The following NOX1 variants were observed in gnomAD, a reference collection of about 807,000 sequenced individuals.
The protein encoded by NOX1 is NADH/NADPH mitogenic oxidase subunit P65-MOX.
Under a neutral mutation model 42.5 loss-of-function variants are expected in NOX1, and 34 were observed. That is an observed-to-expected ratio of 0.80 (90% CI 0.61 to 1.07). The LOEUF is 1.07. Ranked by LOEUF, NOX1 falls within the 50% of genes least tolerant of loss-of-function variation. The probability of loss-of-function intolerance (pLI) is 0.00; values close to 1 mark genes in which losing one functional copy is unlikely to be tolerated. For synonymous variants in NOX1, 143 were observed against 152.5 expected, an observed-to-expected ratio of 0.94 and a Z score of 0.46; for missense variants, 408 against 427.0, an observed-to-expected ratio of 0.96 and a Z score of 0.39.
At chrX:100,856,594 A>T (rs2085169023) in intron 7 of NOX1, among the ~76,000 whole-genome samples, 1 of 107,145 alleles carries the variant, frequency 9.3e-6, no homozygotes, top group African/African-American at 3.4e-5. Context: ...TTTTTTTGAG[A>T]TGGGGTCTTT....
intron 2 of NOX1, among the ~76,000 whole-genome samples, chrX:100,864,945 T>G (rs906903566): frequency 3.6e-5 from 4 of 112,332 alleles, no homozygotes; most frequent in Admixed American, 1.9e-4. Flanking sequence ...GGTTAACAAT[T>G]TCTTGGCCTT....
chrX:100,865,023 T>C (rs773517063), intron 2 of NOX1, among the ~76,000 whole-genome samples: 2 of 112,681 alleles, frequency 1.8e-5, no homozygotes, highest in East Asian at 5.6e-4. Flanking sequence ...CATGTGATGT[T>C]AGTTTAATAA....
At chrX:100,849,543 G>A in intron 10 of NOX1, 117 bp from the exon 11 acceptor site, 3 of 811,851 alleles carry the variant, frequency 3.7e-6, no homozygotes, top group Non-Finnish European at 3.4e-6. Flanking sequence ...CCTTAGGAAC[G>A]AGCCTTCCAA....
chrX:100,870,441 G>T (rs1485836885), intron 2 of NOX1, among the ~76,000 whole-genome samples: 1 of 111,216 alleles, frequency 9.0e-6, no homozygotes, highest in African/African-American at 3.3e-5. Flanking sequence ...GGGGTTATCA[G>T]ATTTATTTAA....
At chrX:100,871,233 T>C (rs1280487015) in intron 1 of NOX1, among the ~76,000 whole-genome samples, 8 of 112,649 alleles carry the variant, frequency 7.1e-5, no homozygotes, top group Non-Finnish European at 1.1e-4. Context: ...CATTTTTGTA[T>C]TGTTTATGGC....
At chrX:100,846,671 T>C (rs1015993062) in intron 12 of NOX1, among the ~76,000 whole-genome samples, 4 of 111,899 alleles carry the variant, frequency 3.6e-5, no homozygotes, top group African/African-American at 1.3e-4. Flanking sequence ...CCTCATACTC[T>C]CTCAAAACTT....
rs1332838653 is a variant in NOX1 at position 100,849,849 on chromosome X, C to G, written c.1219G>C (p.Val407Leu). The G allele has an allele frequency of 8.3e-7, 1 of 1,210,904 alleles. No individual in the cohort carries two copies. Among genetic ancestry groups the G allele is most frequent in the Non-Finnish European group, 1.1e-6 (1 of 894,813 alleles). Residue 407 changes from valine to leucine, a missense_variant, in exon 10 of 13, where the codon GTC becomes CTC. Val to Leu is a conservative substitution (Grantham distance 32). Transcript: ENST00000372966. ...TTCAAGATAGAAGCAAAGGGGGTGA[C>G]CCCAATTCCTGCTCCAACCAGCACA... Reference protein sequence around the residue: ...VAVLVGAGIGVTPFASILKSI... With the variant: ...VAVLVGAGIGLTPFASILKSI...
intron 8 of NOX1, 74 bp from the exon 9 acceptor site, chrX:100,850,460 T>C: frequency 1.5e-6 from 1 of 672,829 alleles, no homozygotes; most frequent in Non-Finnish European, 2.2e-6. Context: ...AGCAAATGAG[T>C]GAAGCTGGAG....
At chrX:100,853,254 C>CT (rs1569445430) in intron 7 of NOX1, among the ~76,000 whole-genome samples, 17 of 38,088 alleles carry the variant, frequency 4.5e-4, no homozygotes, top group South Asian at 1.2e-3. Flanking sequence ...TCCTTCCTTC[C>CT]TTCCTTCCTT....
chrX:100,848,009 C>A (rs1225239814), intron 12 of NOX1, among the ~76,000 whole-genome samples: 3 of 110,811 alleles, frequency 2.7e-5, no homozygotes, highest in African/African-American at 9.9e-5. Context: ...CCCCTCCCCG[C>A]AAAAATGCAT....
At position 100,864,908 on chromosome X, in the gene NOX1, C is replaced by CAGAA. The variant is rs748391328; in HGVS notation, c.142-1314_142-1313insTTCT. Among the ~76,000 whole-genome samples, 6 of 112,222 alleles carry CAGAA rather than the reference C, an allele frequency of 5.3e-5. No individual in the cohort carries two copies. In the South Asian group the frequency reaches 2.2e-3, roughly 42 times the overall value. ...CCTTACATTGTGTGCCTGTCAAAGA[C>CAGAA]TTTCTAAAAGGAGGGGTATGGGTTA... On this transcript the variant is annotated intron_variant, in intron 2 of 12. Transcript: ENST00000372966.
intron 7 of NOX1, among the ~76,000 whole-genome samples, chrX:100,858,990 A>C (rs1253801766): frequency 9.0e-6 from 1 of 111,639 alleles, no homozygotes; most frequent in African/African-American, 3.3e-5. Context: ...TGGTAAGAGA[A>C]TGCATCCTTG....
intron 2 of NOX1, among the ~76,000 whole-genome samples, chrX:100,867,938 C>T (rs961828624): frequency 5.4e-5 from 6 of 110,731 alleles, no homozygotes; most frequent in African/African-American, 2.0e-4. Context: ...TGCACTTATA[C>T]CCCCTACATA....
At position 100,865,942 on chromosome X, in the gene NOX1, T is replaced by C. The variant is rs1215545779; in HGVS notation, c.142-2347A>G. On this transcript the variant is annotated intron_variant, in intron 2 of 12. Transcript: ENST00000372966. ...ACTCACATGGAAAGATATCTGAGGC[T>C]GGGAGCAGTGGCTTACGCCTGTAAT... Among the ~76,000 whole-genome samples, 9 of 112,344 alleles carry C rather than the reference T, an allele frequency of 8.0e-5. No homozygotes were observed. The East Asian group carries it at 2.5e-3, about 31-fold the overall frequency.
chrX:100,862,373 G>C lies in NOX1; in HGVS notation c.671+19C>G. The C allele has an allele frequency of 8.3e-7, 1 of 1,208,698 alleles. No individual in the cohort carries two copies. The highest frequency in any genetic ancestry group is 1.1e-6 in the Non-Finnish European group (1 of 892,798). On this transcript the variant is annotated intron_variant, in intron 6 of 12. Coordinates refer to ENST00000372966, the MANE Select transcript of NOX1 (RefSeq NM_007052.5). The stretch of plus-strand genomic sequence containing the variant: ...AGGTCAGGGGCTGGGGCATGAGAAT[G>C]AGGGTTCGAGGATCTTACCCAATGC...
chrX:100,862,448 C>A lies in NOX1; in HGVS notation c.615G>T (p.Trp205Cys). The change falls in exon 6 of 13, where the codon TGG becomes TGT. Residue 205 changes from tryptophan to cysteine, a missense_variant. Trp to Cys is a radical substitution (Grantham distance 215). Coordinates refer to ENST00000372966, the MANE Select transcript of NOX1 (RefSeq NM_007052.5). Reference sequence around the variant, plus strand: ...AGAAGATAAAAAGGTGGTGAGTATACCAGAAGACTTCAAAATAACTCCTCC... The same window carrying A: ...AGAAGATAAAAAGGTGGTGAGTATAACAGAAGACTTCAAAATAACTCCTCC... ...FIRRSYFEVF[W>C]YTHHLFIFYI... The A allele has an allele frequency of 2.5e-6, 3 of 1,210,522 alleles. No individual in the cohort carries two copies. Among genetic ancestry groups the A allele is most frequent in the Non-Finnish European group, 3.4e-6 (3 of 894,471 alleles).
In NOX1 at chrX:100,849,763, G is replaced by C; in HGVS notation, c.1296+9C>G. On this transcript the variant is annotated intron_variant, in intron 10 of 12. Coordinates refer to ENST00000372966, the MANE Select transcript of NOX1 (RefSeq NM_007052.5). ...CAGGCCAGAAGAAAAGTGATATACG[G>C]GATTATACCTTTTTTGTTTTGAGGT... 2.5e-6 allele frequency: 3 copies of C among 1,197,672 alleles called. No individual in the cohort carries two copies. Among genetic ancestry groups the C allele is most frequent in the Non-Finnish European group, 3.4e-6 (3 of 888,099 alleles).
chrX:100,866,029 T>C lies in NOX1; in HGVS notation c.142-2434A>G, dbSNP rs1434363413. Among the ~76,000 whole-genome samples the C allele has an allele frequency of 3.6e-5, 4 of 111,380 alleles. No homozygotes were observed. In the East Asian group the frequency reaches 1.1e-3, roughly 31 times the overall value. On this transcript the variant is annotated intron_variant, in intron 2 of 12. Coordinates refer to ENST00000372966, the MANE Select transcript of NOX1 (RefSeq NM_007052.5). Reference sequence around the variant, plus strand: ...TGAGGTCAGGAGTTTGAGATCAGCCTGGCCAACATGGTGAAACCCCGTCTC... The same window carrying C: ...TGAGGTCAGGAGTTTGAGATCAGCCCGGCCAACATGGTGAAACCCCGTCTC...
At chrX:100,857,555 T>A (rs1462249958) in intron 7 of NOX1, among the ~76,000 whole-genome samples, 2 of 112,185 alleles carry the variant, frequency 1.8e-5, no homozygotes, top group Admixed American at 1.9e-4. Context: ...TTTTTGACTT[T>A]TTAATAATAG....
Sources: allele counts gnomAD v4.1 joint callset (sites outside exome capture counted in the v4.1 genomes callset), GRCh38; gene constraint gnomAD v4.1.1; transcripts MANE v1.5; gene names NCBI Gene and HGNC (gene_info 2026-07-23, HGNC 2026-07-21).